EDIL3: variants seen among roughly 807,000 people sequenced by gnomAD.
The protein encoded by EDIL3 is EGF like and discoidin domains 3.
Under a neutral mutation model 67.4 loss-of-function variants are expected in EDIL3, and 37 were observed. The observed-to-expected ratio is 0.55, with a 90% CI of 0.42 to 0.72. The LOEUF (loss-of-function observed/expected upper bound fraction) is 0.72. EDIL3 is among the 30% of genes least tolerant of loss of function. EDIL3 has a pLI of 0.00. For missense variants in EDIL3, 527 were observed against 586.3 expected (o/e 0.90, Z 1.04); for synonymous variants, 195 against 196.3 (o/e 0.99, Z 0.05).
intron 10 of EDIL3, among the ~76,000 whole-genome samples, chr5:83,957,760 A>G (rs769820319): frequency 1.3e-5 from 2 of 151,760 alleles, no homozygotes; most frequent in Non-Finnish European, 2.9e-5. Flanking sequence ...TAATATACCT[A>G]GTAGGTTATA....
At chr5:84,249,031 A>G (rs1201773835) in intron 2 of EDIL3, among the ~76,000 whole-genome samples, 10 of 152,154 alleles carry the variant, frequency 6.6e-5, no homozygotes, top group Admixed American at 2.6e-4. Context: ...ACACTGTACC[A>G]AACTCTAGAG....
intron 6 of EDIL3, among the ~76,000 whole-genome samples, chr5:84,070,209 G>A (rs950602872): frequency 2.6e-5 from 4 of 152,098 alleles, no homozygotes; most frequent in Admixed American, 1.3e-4. Context: ...TGATTTTTCC[G>A]GTACACCAAG....
intron 3 of EDIL3, among the ~76,000 whole-genome samples, chr5:84,227,599 A>C (rs1051104089): frequency 1.3e-5 from 2 of 152,162 alleles, no homozygotes; most frequent in Admixed American, 6.6e-5. Flanking sequence ...AGGAAGACAG[A>C]TCATTATACC....
At chr5:84,323,300 T>G (rs996676822) in intron 1 of EDIL3, among the ~76,000 whole-genome samples, 5 of 151,976 alleles carry the variant, frequency 3.3e-5, no homozygotes, top group African/African-American at 9.7e-5. Context: ...ATGACTACAC[T>G]GTAAATAGGC....
At chr5:84,009,836 T>C (rs968623305) in intron 9 of EDIL3, among the ~76,000 whole-genome samples, 1 of 152,140 alleles carries the variant, frequency 6.6e-6, no homozygotes, top group African/African-American at 2.4e-5. Context: ...AGGCAGATGG[T>C]CATCATATAC....
At chr5:83,995,162 A>T (rs1430936985) in intron 9 of EDIL3, among the ~76,000 whole-genome samples, 2 of 151,298 alleles carry the variant, frequency 1.3e-5, no homozygotes, top group Non-Finnish European at 2.9e-5. Flanking sequence ...ACACATACAC[A>T]CACACACACA....
At chr5:84,335,161 C>T (rs956048973) in intron 1 of EDIL3, among the ~76,000 whole-genome samples, 3 of 151,714 alleles carry the variant, frequency 2.0e-5, no homozygotes, top group Admixed American at 6.6e-5. Context: ...TTTATACCTT[C>T]CCCCGGCTGA....
At chr5:84,019,963 A>T (rs534972687) in intron 9 of EDIL3, among the ~76,000 whole-genome samples, 4 of 151,948 alleles carry the variant, frequency 2.6e-5, no homozygotes, top group Non-Finnish European at 5.9e-5. Flanking sequence ...GTGATAGGGC[A>T]CCAAACAGCT....
rs1395379002 is a variant in EDIL3, at chr5:84,254,156, C to A, written c.124G>T (p.Ala42Ser). The change falls in exon 2 of 11, where the codon GCT becomes TCT. Residue 42 changes from alanine to serine, a missense_variant. Ala to Ser is a moderately conservative substitution (Grantham distance 99, BLOSUM62 1). Around this residue, in one of 2 missense-constraint regions of EDIL3, gnomAD observed 494 missense variants for 522.5 expected, o/e 0.95. Coordinates refer to ENST00000296591, the MANE Select transcript of EDIL3 (RefSeq NM_005711.5). ...ENGGICLPGL[A>S]DGSFSCECPD... is the part of the protein sequence containing the mutation. ...CACTCACAGGAAAAGGAACCATCAG[C>A]CAATCCTGGCAAACAGATACCTCCA... is the stretch of plus-strand genomic sequence containing the variant. 1 of 1,612,884 alleles carries A rather than the reference C, an allele frequency of 6.2e-7. No homozygotes were observed. The highest frequency in any genetic ancestry group is 1.3e-5 in the African/African-American group (1 of 74,982).
At chr5:83,947,666 C>T (rs1380897529) in intron 10 of EDIL3, among the ~76,000 whole-genome samples, 1 of 151,754 alleles carries the variant, frequency 6.6e-6, no homozygotes, top group Admixed American at 6.6e-5. Flanking sequence ...TCATGGCATG[C>T]CTCAATACAA....
chr5:84,354,516 G>C (rs1174936481), intron 1 of EDIL3, among the ~76,000 whole-genome samples: 1 of 151,870 alleles, frequency 6.6e-6, no homozygotes, highest in Non-Finnish European at 1.5e-5. Flanking sequence ...AATTAGCCGG[G>C]TATGGTGGTG....
intron 4 of EDIL3, among the ~76,000 whole-genome samples, chr5:84,166,740 G>A (rs529089830): frequency 1.1e-4 from 16 of 152,164 alleles, no homozygotes; most frequent in South Asian, 4.1e-4. Flanking sequence ...TGTTGTCTTC[G>A]GGTTAGTTGG....
intron 1 of EDIL3, among the ~76,000 whole-genome samples, chr5:84,382,569 C>T (rs1425723788): frequency 6.6e-6 from 1 of 152,082 alleles, no homozygotes; most frequent in African/African-American, 2.4e-5. Context: ...GGGGTGGAAA[C>T]GTAGGCGGGG....
chr5:84,198,905 G>C (rs528677897), intron 3 of EDIL3, among the ~76,000 whole-genome samples: 3 of 152,032 alleles, frequency 2.0e-5, no homozygotes, highest in African/African-American at 7.2e-5. Context: ...GAATGAGATT[G>C]CCTGGGCTAT....
intron 3 of EDIL3, among the ~76,000 whole-genome samples, chr5:84,219,173 G>A (rs964343714): frequency 7.2e-5 from 11 of 152,152 alleles, no homozygotes; most frequent in East Asian, 1.9e-4. Flanking sequence ...GAGAGACTGC[G>A]TTTGTTTGGG....
chr5:84,180,394 G>C lies in EDIL3; in HGVS notation c.354C>G (p.His118Gln), dbSNP rs773602513. ...PRGFNGIHCQ[H>Q]NINECEVEPC... is the part of the protein sequence containing the mutation. ...GTACAATGACTATGAATAACTTACTGTGCTGACAGTGAATCCCATTAAATC... is the reference window on the plus strand; with the variant it reads ...GTACAATGACTATGAATAACTTACTCTGCTGACAGTGAATCCCATTAAATC... Residue 118 changes from histidine (H) to glutamine (Q), a missense_variant and splice_region_variant, in exon 4 of 11, where the codon CAC becomes CAG. Physicochemically the swap from His to Gln is conservative, Grantham distance 24. Coordinates refer to ENST00000296591, the MANE Select transcript of EDIL3 (RefSeq NM_005711.5). 9.4e-6 allele frequency: 15 copies of C among 1,591,902 alleles called. No homozygotes were observed. Among genetic ancestry groups the C allele is most frequent in the Non-Finnish European group, 1.2e-5 (14 of 1,170,806 alleles).
chr5:84,017,684 T>C (rs1745631901), intron 9 of EDIL3, among the ~76,000 whole-genome samples: 1 of 152,184 alleles, frequency 6.6e-6, no homozygotes, highest in South Asian at 2.1e-4. Context: ...TTGGAAAAAT[T>C]ACAGCATGCG....
intron 10 of EDIL3, among the ~76,000 whole-genome samples, chr5:83,955,306 A>G (rs1429477374): frequency 1.3e-5 from 2 of 151,774 alleles, no homozygotes; most frequent in African/African-American, 4.8e-5. Context: ...AAGGTGATAA[A>G]GCATGTAATA....
At chr5:83,963,155 T>G in intron 10 of EDIL3, 50 bp downstream of exon 10, 1 of 1,541,992 alleles carries the variant, frequency 6.5e-7, no homozygotes, top group South Asian at 1.3e-5. Flanking sequence ...AACTTGGGTG[T>G]AATTTGATCC....
Sources: gnomAD v4.1 joint callset for allele counts (sites outside exome capture counted in the v4.1 genomes callset) on GRCh38, gnomAD v4.1.1 for gene constraint, gnomAD v4.1.1 regional missense constraint, MANE v1.5 for transcripts, NCBI Gene and HGNC (gene_info 2026-07-23, HGNC 2026-07-21) for gene names.